CCDC178: variants seen among roughly 807,000 people sequenced by gnomAD.
The protein encoded by CCDC178 is coiled-coil domain containing 178.
CCDC178 carries 126 observed loss-of-function variants against 117.4 expected under a neutral mutation model. That is an observed-to-expected ratio of 1.07 (90% CI 0.93 to 1.24). The LOEUF (loss-of-function observed/expected upper bound fraction) is 1.24, where lower values mean the gene tolerates loss of function less well. Ranked by LOEUF, CCDC178 falls within the 50% of genes most tolerant of loss-of-function variation. The probability of loss-of-function intolerance (pLI) is 0.00; values close to 1 mark genes in which losing one functional copy is unlikely to be tolerated. For synonymous variants in CCDC178, 283 were observed against 313.4 expected (o/e 0.90, Z 1.02); for missense variants, 1,030 against 986.9 (o/e 1.04, Z -0.59).
intron 5 of CCDC178, among the ~76,000 whole-genome samples, chr18:33,372,863 C>T (rs770883583): frequency 1.3e-5 from 2 of 152,166 alleles, no homozygotes; most frequent in African/African-American, 2.4e-5. Context: ...TTTTCTTCTG[C>T]TTTGTATATG....
chr18:33,039,194 G>C (rs2056501241), intron 21 of CCDC178, among the ~76,000 whole-genome samples: 1 of 151,958 alleles, frequency 6.6e-6, no homozygotes, highest in African/African-American at 2.4e-5. Flanking sequence ...TTAATGGGCT[G>C]AGGTGATATT....
chr18:33,318,242 G>A (rs2062447406), intron 11 of CCDC178, among the ~76,000 whole-genome samples: 2 of 152,084 alleles, frequency 1.3e-5, no homozygotes, highest in African/African-American at 4.8e-5. Flanking sequence ...TTTGTGTATT[G>A]GTATTGTGAC....
At chr18:33,280,017 A>T (rs2060001561) in intron 12 of CCDC178, among the ~76,000 whole-genome samples, 1 of 151,276 alleles carries the variant, frequency 6.6e-6, no homozygotes, top group Admixed American at 6.6e-5. Context: ...AAACCTAGGC[A>T]TTACCATTCA....
intron 11 of CCDC178, among the ~76,000 whole-genome samples, chr18:33,316,440 T>C (rs1049592740): frequency 6.6e-6 from 1 of 152,054 alleles, no homozygotes; most frequent in African/African-American, 2.4e-5. Flanking sequence ...ACCTGCAGCC[T>C]GCCATGCCTG....
chr18:33,423,373 A>G (rs369908810), intron 2 of CCDC178, among the ~76,000 whole-genome samples: 159 of 152,278 alleles, frequency 1.0e-3, no homozygotes, highest in African/African-American at 2.9e-3. Flanking sequence ...CTGTAAAAAA[A>G]TTCGACATAA....
intron 19 of CCDC178, among the ~76,000 whole-genome samples, chr18:33,214,839 A>T (rs1330030438): frequency 6.6e-6 from 1 of 152,004 alleles, no homozygotes; most frequent in Non-Finnish European, 1.5e-5. Flanking sequence ...TCCCTCAAGC[A>T]TTATGATTTT....
intron 20 of CCDC178, among the ~76,000 whole-genome samples, chr18:33,211,004 A>T (rs2059100837): frequency 6.6e-6 from 1 of 151,946 alleles, no homozygotes; most frequent in South Asian, 2.1e-4. Context: ...ATAGTCTTTA[A>T]AAAAAAGTTC....
intron 20 of CCDC178, among the ~76,000 whole-genome samples, chr18:33,208,433 T>C (rs1244902332): frequency 6.6e-6 from 1 of 152,108 alleles, no homozygotes; most frequent in Admixed American, 6.6e-5. Context: ...TTACTGTTTG[T>C]AATTTGGATG....
intron 7 of CCDC178, among the ~76,000 whole-genome samples, chr18:33,353,654 C>T (rs1363311234): frequency 1.3e-5 from 2 of 152,126 alleles, no homozygotes; most frequent in African/African-American, 4.8e-5. Flanking sequence ...GTATACCTAT[C>T]TATTTATATA....
chr18:33,137,291 A>G (rs1253924483), intron 20 of CCDC178, among the ~76,000 whole-genome samples: 25 of 152,240 alleles, frequency 1.6e-4, no homozygotes, highest in Non-Finnish European at 4.4e-5. Flanking sequence ...AAAAGCAAGT[A>G]ATATATTGTT....
At chr18:33,060,507 A>C (rs76395101) in intron 21 of CCDC178, among the ~76,000 whole-genome samples, 1 of 151,852 alleles carries the variant, frequency 6.6e-6, no homozygotes, top group Non-Finnish European at 1.5e-5. Flanking sequence ...TCCTCTACTT[A>C]CTCTAAACAA....
At chr18:33,037,500 T>C (rs1298640315) in intron 21 of CCDC178, among the ~76,000 whole-genome samples, 4 of 152,020 alleles carry the variant, frequency 2.6e-5, no homozygotes, top group Non-Finnish European at 5.9e-5. Context: ...GGAGGTATTT[T>C]ATTACTTTTC....
At chr18:33,008,529 A>G (rs1422522662) in intron 21 of CCDC178, among the ~76,000 whole-genome samples, 1 of 151,964 alleles carries the variant, frequency 6.6e-6, no homozygotes, top group Admixed American at 6.6e-5. Flanking sequence ...CTACTCAATC[A>G]TTTGTATTCG....
At chr18:33,316,289 G>C (rs543034048) in intron 11 of CCDC178, among the ~76,000 whole-genome samples, 1 of 152,332 alleles carries the variant, frequency 6.6e-6, no homozygotes, top group East Asian at 1.9e-4. Flanking sequence ...CGAGTTCCGT[G>C]GGTGTGAGCT....
At chr18:33,361,869 C>T (rs986926363) in intron 6 of CCDC178, among the ~76,000 whole-genome samples, 2 of 151,564 alleles carry the variant, frequency 1.3e-5, no homozygotes. Context: ...TAGAATGGTA[C>T]AGCCATTAGA....
intron 20 of CCDC178, among the ~76,000 whole-genome samples, chr18:33,112,563 A>G (rs1380354929): frequency 1.3e-5 from 2 of 151,866 alleles, no homozygotes; most frequent in African/African-American, 4.8e-5. Flanking sequence ...TAGAATTTCA[A>G]AGATAGACTA....
At chr18:33,312,826 T>C (rs541904297) in intron 11 of CCDC178, among the ~76,000 whole-genome samples, 1 of 152,330 alleles carries the variant, frequency 6.6e-6, no homozygotes, top group Middle Eastern at 3.4e-3. Context: ...ATGTTGAAGA[T>C]GTTTAACAGC....
chr18:33,170,737 C>A (rs1294286980), intron 20 of CCDC178, among the ~76,000 whole-genome samples: 1 of 152,050 alleles, frequency 6.6e-6, no homozygotes, highest in Admixed American at 6.6e-5. Context: ...ATGTCACATA[C>A]AAAAACCACT....
At chr18:33,404,568 C>T (rs1366662356) in intron 3 of CCDC178, among the ~76,000 whole-genome samples, 2 of 152,060 alleles carry the variant, frequency 1.3e-5, no homozygotes, top group African/African-American at 4.8e-5. Context: ...TAAAGTTAAA[C>T]ACTGAAATTA....
Sources: gnomAD v4.1 joint callset for allele counts (sites outside exome capture counted in the v4.1 genomes callset) on GRCh38, gnomAD v4.1.1 for gene constraint, MANE v1.5 for transcripts, NCBI Gene and HGNC (gene_info 2026-07-23, HGNC 2026-07-21) for gene names.